Variants in PSORS1C1 observed in about 807,000 individuals in gnomAD.
PSORS1C1 encodes psoriasis susceptibility 1 candidate 1, also known as psoriasis susceptibility 1 candidate gene 1 protein.
In PSORS1C1, 7 loss-of-function variants were observed where a neutral mutation model predicts 9.4. The ratio of observed to expected loss-of-function variants is 0.75; its 90% CI spans 0.42 to 1.40. The LOEUF is 1.40. Among genes scored for constraint, PSORS1C1 ranks in the 40% most tolerant of loss-of-function variants. The pLI, the probability that PSORS1C1 is intolerant of heterozygous loss-of-function variation, is 0.01. For missense variants in PSORS1C1, 146 were observed against 178.1 expected, an observed-to-expected ratio of 0.82 and a Z score of 1.02; for synonymous variants, 63 against 69.4, an observed-to-expected ratio of 0.91 and a Z score of 0.46.
intron 1 of PSORS1C1, chr6:31,116,162 G>C (rs1357471241): frequency 6.2e-7 from 1 of 1,611,864 alleles, no homozygotes; most frequent in Non-Finnish European, 8.5e-7. Context: ...GAGCCACAGG[G>C]CTTGGCACCA....
At chr6:31,116,345 A>T (rs1190478543) in intron 1 of PSORS1C1, 1 of 1,613,018 alleles carries the variant, frequency 6.2e-7, no homozygotes, top group Non-Finnish European at 8.5e-7. Context: ...CCTGGTGGGG[A>T]GCAGGGGCTC....
intron 3 of PSORS1C1, among the ~76,000 whole-genome samples, chr6:31,134,480 ATT>A (rs374975101): frequency 1.3e-5 from 2 of 148,932 alleles, no homozygotes; most frequent in African/African-American, 2.5e-5. Flanking sequence ...TTTTTTTTGT[ATT>A]TTTTAGTAGA....
chr6:31,130,292 A>T (rs1280679325), intron 3 of PSORS1C1, among the ~76,000 whole-genome samples: 1 of 149,854 alleles, frequency 6.7e-6, no homozygotes, highest in Non-Finnish European at 1.5e-5. Flanking sequence ...CAGCTCTGTC[A>T]TCCAAGCTGG....
chr6:31,115,559 T>C lies in PSORS1C1; in HGVS notation c.-229+668T>C, dbSNP rs1772063722. On this transcript the variant is annotated intron_variant, in intron 1 of 5. Transcript: ENST00000259881. This position sits in a 1 kb window ranked among gnomAD's most constrained non-coding sequence, Gnocchi z 4.2. ...TGACTAGATGTCGAAGAAAGGTCAG[T>C]GAAAAGTGGCCACTGTTTCCAGATG... 1 of 176,734 alleles carries C rather than the reference T, an allele frequency of 5.7e-6. No individual in the cohort carries two copies. The highest frequency in any genetic ancestry group is 2.4e-5 in the African/African-American group (1 of 42,102). The allele number at this position is 176,734 out of a possible 1,614,324, so 10.9% of individuals were successfully genotyped here.
intron 1 of PSORS1C1, among the ~76,000 whole-genome samples, chr6:31,121,785 G>A (rs143614596): frequency 6.6e-6 from 1 of 152,368 alleles, no homozygotes; most frequent in African/African-American, 2.4e-5. Context: ...CAGACCAGCA[G>A]GAGGATGGAA....
At chr6:31,117,105 T>C in intron 1 of PSORS1C1, 1 of 1,614,204 alleles carries the variant, frequency 6.2e-7, no homozygotes. Flanking sequence ...AGCCATTCCC[T>C]ACTTGGAAGC....
At chr6:31,138,339 G>T in intron 3 of PSORS1C1, 91 bp from the exon 4 acceptor site, 1 of 1,607,982 alleles carries the variant, frequency 6.2e-7, no homozygotes, top group Non-Finnish European at 8.5e-7. Flanking sequence ...GTAAGAGGTG[G>T]TGAGGGCTTC....
intron 3 of PSORS1C1, chr6:31,137,668 A>C: frequency 1.9e-5 from 7 of 360,728 alleles, no homozygotes; most frequent in Non-Finnish European, 2.0e-5. Context: ...GCGGGCAGGA[A>C]GACCGGGTGG....
At chr6:31,123,339 T>C (rs907672610) in intron 1 of PSORS1C1, among the ~76,000 whole-genome samples, 2 of 152,210 alleles carry the variant, frequency 1.3e-5, no homozygotes, top group African/African-American at 4.8e-5. Flanking sequence ...CTGTGCTAGA[T>C]TTTACTCTGG....
chr6:31,136,658 T>A (rs1773152880), intron 3 of PSORS1C1, among the ~76,000 whole-genome samples: 1 of 152,182 alleles, frequency 6.6e-6, no homozygotes, highest in Non-Finnish European at 1.5e-5. Context: ...AAACTTGCCT[T>A]CCCATTCTTT....
rs138093208 is a variant in PSORS1C1 at position 31,116,174 on chromosome 6, C to T, written c.-229+1283C>T. The T allele has an allele frequency of 6.2e-5, 100 of 1,612,184 alleles. No homozygotes were observed. Among genetic ancestry groups the T allele is most frequent in the African/African-American group, 5.6e-4 (42 of 74,924 alleles). On this transcript the variant is annotated intron_variant, in intron 1 of 5. Coordinates refer to ENST00000259881, the MANE Select transcript of PSORS1C1 (RefSeq NM_014068.3). ...CTGGAGCCACAGGGCTTGGCACCAG[C>T]GGAGGGATCAGGATGGGGAGAGCCA...
At chr6:31,138,600 T>C in intron 4 of PSORS1C1, 56 bp from the exon 5 acceptor site, 2 of 1,612,064 alleles carry the variant, frequency 1.2e-6, no homozygotes, top group South Asian at 1.1e-5. Flanking sequence ...GGTACCCCAC[T>C]AGCTTTGTCC....
Position 31,115,673 on chromosome 6 carries a change from T to C in PSORS1C1, c.-229+782T>C, listed in dbSNP as rs1452141521. On this transcript the variant is annotated intron_variant, in intron 1 of 5. Transcript: ENST00000259881. This position sits in a 1 kb window ranked among gnomAD's most constrained non-coding sequence, Gnocchi z 4.2. ...AGGTGCTCTGAGAGCATTTCAGGGG[T>C]TTCCCAGTTGAGAAGCTGATGGGGG... 3 of 332,244 alleles carry C rather than the reference T, an allele frequency of 9.0e-6. No homozygotes were observed. 20.6% of individuals were successfully genotyped at this position (332,244 alleles called of 1,614,324 possible).
chr6:31,135,243 TTTA>T (rs1467225618), intron 3 of PSORS1C1, among the ~76,000 whole-genome samples: 1 of 152,098 alleles, frequency 6.6e-6, no homozygotes, highest in East Asian at 1.9e-4. Context: ...TATTTATTTA[TTTA>T]TTATTTTTGA....
chr6:31,117,452 A>G, intron 1 of PSORS1C1: 1 of 1,555,636 alleles, frequency 6.4e-7, no homozygotes, highest in Non-Finnish European at 8.7e-7. Context: ...CCAGTGAGGC[A>G]GGGGTCGTTA....
intron 3 of PSORS1C1, among the ~76,000 whole-genome samples, chr6:31,136,642 G>A (rs961761130): frequency 2.6e-5 from 4 of 152,172 alleles, no homozygotes; most frequent in Admixed American, 1.3e-4. Flanking sequence ...CCATTAAACA[G>A]AGATGAAACT....
intron 3 of PSORS1C1, among the ~76,000 whole-genome samples, chr6:31,132,052 G>A (rs1772940177): frequency 6.6e-6 from 1 of 151,924 alleles, no homozygotes; most frequent in Non-Finnish European, 1.5e-5. Context: ...TTGAGACCAG[G>A]TTGGGCAATA....
At chr6:31,123,957 G>A (rs1242988929) in intron 1 of PSORS1C1, among the ~76,000 whole-genome samples, 7 of 152,200 alleles carry the variant, frequency 4.6e-5, no homozygotes, top group Non-Finnish European at 1.0e-4. Context: ...GAGAAGCACA[G>A]AGCAGGCAGC....
At chr6:31,123,173 C>T (rs1320721599) in intron 1 of PSORS1C1, among the ~76,000 whole-genome samples, 1 of 152,196 alleles carries the variant, frequency 6.6e-6, no homozygotes, top group African/African-American at 2.4e-5. Context: ...ACTGGCGGTG[C>T]AGCCACGTCC....
Sources: allele counts gnomAD v4.1 joint callset (sites outside exome capture counted in the v4.1 genomes callset), GRCh38; gene constraint gnomAD v4.1.1; non-coding constraint Gnocchi (gnomAD v3.1); transcripts MANE v1.5; gene names NCBI Gene and HGNC (gene_info 2026-07-23, HGNC 2026-07-21).